NPAS3: variants seen among roughly 807,000 people sequenced by gnomAD.
NPAS3 encodes neuronal PAS domain-containing protein 3.
NPAS3 carries 14 observed loss-of-function variants against 73.1 expected under a neutral mutation model. That is an observed-to-expected ratio of 0.19 (90% CI 0.13 to 0.30). NPAS3 has a LOEUF of 0.30. NPAS3 is among the 10% of genes least tolerant of loss of function. The pLI, the probability that NPAS3 is intolerant of heterozygous loss-of-function variation, is 1.00. For missense variants in NPAS3, 1,096 were observed against 1,250.0 expected, an observed-to-expected ratio of 0.88 and a Z score of 1.86; for synonymous variants, 620 against 541.5, an observed-to-expected ratio of 1.14 and a Z score of -2.01.
intron 5 of NPAS3, among the ~76,000 whole-genome samples, chr14:33,649,130 G>A (rs2058917206): frequency 6.6e-6 from 1 of 152,130 alleles, no homozygotes; most frequent in African/African-American, 2.4e-5. Flanking sequence ...ATGCCCTATA[G>A]GTTATGTATT....
chr14:33,501,544 G>A (rs1407800137), intron 4 of NPAS3, among the ~76,000 whole-genome samples: 2 of 151,362 alleles, frequency 1.3e-5, no homozygotes, highest in Admixed American at 6.6e-5. Context: ...TACCCTCTCT[G>A]CTTTCTCTCA....
intron 4 of NPAS3, among the ~76,000 whole-genome samples, chr14:33,371,529 G>A (rs1486278275): frequency 6.6e-6 from 1 of 152,114 alleles, no homozygotes; most frequent in African/African-American, 2.4e-5. Flanking sequence ...GTATCTCATG[G>A]TCATGTCTGT....
At chr14:32,971,749 A>G (rs2037433846) in intron 1 of NPAS3, among the ~76,000 whole-genome samples, 1 of 152,092 alleles carries the variant, frequency 6.6e-6, no homozygotes, top group African/African-American at 2.4e-5. Flanking sequence ...TCTGCAATGT[A>G]TTCATATTGT....
chr14:33,459,846 T>C (rs1053252615), intron 4 of NPAS3, among the ~76,000 whole-genome samples: 14 of 151,762 alleles, frequency 9.2e-5, no homozygotes, highest in Non-Finnish European at 1.5e-4. Context: ...CCTTTACATA[T>C]AATTATCTGT....
At chr14:33,664,192 C>A (rs1251198487) in intron 5 of NPAS3, among the ~76,000 whole-genome samples, 4 of 152,136 alleles carry the variant, frequency 2.6e-5, no homozygotes, top group Non-Finnish European at 5.9e-5. Context: ...TGGAACAGAA[C>A]AGTGGCCTCA....
chr14:33,089,333 C>T (rs1385072892), intron 2 of NPAS3, among the ~76,000 whole-genome samples: 1 of 152,074 alleles, frequency 6.6e-6, no homozygotes, highest in Non-Finnish European at 1.5e-5. Context: ...CACCATGGCA[C>T]AAGAACTATG....
chr14:32,941,916 A>C (rs1266912353), intron 1 of NPAS3, among the ~76,000 whole-genome samples: 2 of 152,222 alleles, frequency 1.3e-5, no homozygotes, highest in African/African-American at 4.8e-5. Context: ...TGCTCTTAAC[A>C]CTTTAAGTGT....
chr14:33,073,099 C>T (rs1207355277), intron 2 of NPAS3, among the ~76,000 whole-genome samples: 3 of 151,972 alleles, frequency 2.0e-5, no homozygotes, highest in Admixed American at 6.5e-5. Flanking sequence ...GCAAATTGGT[C>T]GTGTTTTATT....
chr14:32,979,171 CTTTAT>C (rs1304955856), intron 1 of NPAS3, among the ~76,000 whole-genome samples: 14 of 152,054 alleles, frequency 9.2e-5, no homozygotes, highest in Non-Finnish European at 1.9e-4. Context: ...ACAAGAAATG[CTTTAT>C]TTTAATAGTT....
intron 5 of NPAS3, among the ~76,000 whole-genome samples, chr14:33,586,241 G>GTTTTTTGTTTTTTTTTT (rs1237735843): frequency 6.7e-6 from 1 of 148,726 alleles, no homozygotes; most frequent in African/African-American, 2.5e-5. Context: ...GCAATCAGAT[G>GTTTTTTGTTTTTTTTTT]TTTTATTGAC....
chr14:32,973,875 G>A (rs569324164), intron 1 of NPAS3, among the ~76,000 whole-genome samples: 1 of 152,238 alleles, frequency 6.6e-6, no homozygotes, highest in South Asian at 2.1e-4. Context: ...TCACAAGGAA[G>A]CCTAGTTTAA....
chr14:33,126,166 C>G (rs1854367166), intron 2 of NPAS3, among the ~76,000 whole-genome samples: 1 of 152,150 alleles, frequency 6.6e-6, no homozygotes, highest in South Asian at 2.1e-4. Flanking sequence ...AATTAATCGA[C>G]TTTTCAGTTT....
intron 2 of NPAS3, among the ~76,000 whole-genome samples, chr14:33,185,734 G>GA (rs911275198): frequency 6.6e-6 from 1 of 152,096 alleles, no homozygotes; most frequent in Non-Finnish European, 1.5e-5. Flanking sequence ...ACTGGCCAAG[G>GA]AAAATCTTCA....
intron 7 of NPAS3, among the ~76,000 whole-genome samples, chr14:33,751,053 G>T (rs1008133198): frequency 2.6e-5 from 4 of 152,112 alleles, no homozygotes; most frequent in Non-Finnish European, 4.4e-5. Flanking sequence ...AGAAATCTGG[G>T]TATCAGGAAT....
At chr14:33,293,076 T>G (rs2042163464) in intron 3 of NPAS3, among the ~76,000 whole-genome samples, 1 of 152,194 alleles carries the variant, frequency 6.6e-6, no homozygotes, top group South Asian at 2.1e-4. Context: ...CTGGTCATTA[T>G]TTCCTTAGAA....
intron 5 of NPAS3, among the ~76,000 whole-genome samples, chr14:33,636,312 T>G (rs2058513800): frequency 1.3e-5 from 2 of 152,256 alleles, no homozygotes; most frequent in African/African-American, 4.8e-5. Context: ...AATCCATTTA[T>G]GAAAAAGTGT....
At chr14:33,676,449 A>G (rs1189344098) in intron 6 of NPAS3, 64 bp downstream of exon 6, 1 of 1,405,712 alleles carries the variant, frequency 7.1e-7, no homozygotes, top group East Asian at 2.4e-5. Flanking sequence ...AGTGTGCTCA[A>G]GTTACCCATG....
At chr14:33,784,754 T>TATTTTTATTTA (rs1317655791) in intron 9 of NPAS3, among the ~76,000 whole-genome samples, 1 of 124,372 alleles carries the variant, frequency 8.0e-6, no homozygotes. Flanking sequence ...TATTTTTTTT[T>TATTTTTATTTA]TTTTTTTTTT....
intron 4 of NPAS3, among the ~76,000 whole-genome samples, chr14:33,532,722 G>A (rs951341073): frequency 6.6e-6 from 1 of 152,052 alleles, no homozygotes; most frequent in Non-Finnish European, 1.5e-5. Context: ...GTAAAAAGTA[G>A]GCGTTGTTCT....
Sources: gnomAD v4.1 joint callset for allele counts (sites outside exome capture counted in the v4.1 genomes callset) on GRCh38, gnomAD v4.1.1 for gene constraint, MANE v1.5 for transcripts, NCBI Gene and HGNC (gene_info 2026-07-23, HGNC 2026-07-21) for gene names.